Variants in MECOM observed in about 807,000 individuals in gnomAD.
MECOM encodes MDS1 and EVI1 complex locus, also known as histone-lysine N-methyltransferase MECOM.
In MECOM, 13 loss-of-function variants were observed where a neutral mutation model predicts 116.3. The ratio of observed to expected loss-of-function variants is 0.11; its 90% CI spans 0.07 to 0.18. The LOEUF is 0.18. Ranked by LOEUF, MECOM falls within the 10% of genes least tolerant of loss-of-function variation. The pLI is 1.00. For synonymous variants in MECOM, 528 were observed against 535.2 expected (o/e 0.99, Z 0.19); for missense variants, 1,299 against 1,509.0 (o/e 0.86, Z 2.31).
At chr3:169,154,506 G>A (rs1741645487) in intron 2 of MECOM, among the ~76,000 whole-genome samples, 1 of 152,044 alleles carries the variant, frequency 6.6e-6, no homozygotes, top group Admixed American at 6.6e-5. Context: ...CCTCTAGTCT[G>A]AATTATTGCA....
chr3:169,445,963 T>C (rs934923136), intron 1 of MECOM, among the ~76,000 whole-genome samples: 4 of 152,216 alleles, frequency 2.6e-5, no homozygotes, highest in African/African-American at 9.6e-5. Context: ...TTGGAATGGC[T>C]GTATTTACCT....
intron 2 of MECOM, among the ~76,000 whole-genome samples, chr3:169,318,421 G>C (rs1476402449): frequency 6.6e-6 from 1 of 151,912 alleles, no homozygotes; most frequent in Admixed American, 6.6e-5. Flanking sequence ...AAATTTACAA[G>C]AAAAAAACAA....
Position 169,364,651 on chromosome 3 carries a change from C to T in MECOM, c.375+16536G>A, listed in dbSNP as rs12496523. The stretch of plus-strand genomic sequence containing the variant: ...TTATTAAGTACTGCATCCCAAGTGA[C>T]AAAGTACCACAGCACTGTCACTATC... On this transcript the variant is annotated intron_variant, in intron 2 of 16. Transcript: ENST00000651503. Among the ~76,000 whole-genome samples, 1,036 of 152,160 alleles carry T rather than the reference C, an allele frequency of 6.8e-3. 12 individuals carry two copies. Among genetic ancestry groups the T allele is most frequent in the Non-Finnish European group, 0.012 (782 of 67,948 alleles).
intron 1 of MECOM, among the ~76,000 whole-genome samples, chr3:169,649,046 A>G (rs1774532694): frequency 1.3e-5 from 2 of 152,232 alleles, no homozygotes; most frequent in Admixed American, 6.5e-5. Context: ...GCCCATCTGC[A>G]GACCCAAGGC....
intron 1 of MECOM, among the ~76,000 whole-genome samples, chr3:169,499,167 T>G (rs1221130652): frequency 1.3e-5 from 2 of 151,482 alleles, no homozygotes; most frequent in African/African-American, 4.8e-5. Flanking sequence ...AGAGATACAA[T>G]ATTTGAACAG....
intron 1 of MECOM, among the ~76,000 whole-genome samples, chr3:169,453,204 G>T (rs1745895008): frequency 6.6e-6 from 1 of 152,226 alleles, no homozygotes; most frequent in South Asian, 2.1e-4. Context: ...TGCAATGGCT[G>T]CATGACAGAA....
At chr3:169,153,557 AATTC>A (rs1260884313) in intron 2 of MECOM, among the ~76,000 whole-genome samples, 1 of 152,226 alleles carries the variant, frequency 6.6e-6, no homozygotes, top group African/African-American at 2.4e-5. Context: ...AATTTTAATT[AATTC>A]AATCTTTCAA....
chr3:169,425,151 T>C (rs1740444277), intron 1 of MECOM, among the ~76,000 whole-genome samples: 1 of 149,366 alleles, frequency 6.7e-6, no homozygotes, highest in Non-Finnish European at 1.5e-5. Flanking sequence ...CAACGAAAAT[T>C]TATAAGCTTA....
chr3:169,364,402 T>C (rs1391023087), intron 2 of MECOM, among the ~76,000 whole-genome samples: 1 of 151,990 alleles, frequency 6.6e-6, no homozygotes, highest in African/African-American at 2.4e-5. Flanking sequence ...TACAGCTTCA[T>C]ATAATTTTAA....
intron 1 of MECOM, among the ~76,000 whole-genome samples, chr3:169,624,608 C>G (rs1771129484): frequency 6.6e-6 from 1 of 152,198 alleles, no homozygotes; most frequent in Admixed American, 6.5e-5. Context: ...TCGGGCTGCT[C>G]TGTCTCAAAG....
At chr3:169,656,095 C>A (rs544561287) in intron 1 of MECOM, among the ~76,000 whole-genome samples, 1 of 152,300 alleles carries the variant, frequency 6.6e-6, no homozygotes, top group Admixed American at 6.5e-5. Context: ...TGCACAGGGC[C>A]TAGCACATTG....
At position 169,596,276 on chromosome 3, in the gene MECOM, T is replaced by C. The variant is rs191704008; in HGVS notation, c.37+67060A>G. Among the ~76,000 whole-genome samples, 100 of 152,328 alleles carry C rather than the reference T, an allele frequency of 6.6e-4. 1 individual carries two copies. Among genetic ancestry groups the C allele is most frequent in the Admixed American group, 2.7e-3 (41 of 15,308 alleles). ...GTAAACTCTTGTGCCAAGAGCTTTC[T>C]GTCCTGGGGCATATTGGATGAGCAC... On this transcript the variant is annotated intron_variant, in intron 1 of 16. Coordinates refer to ENST00000651503, the MANE Select transcript of MECOM (RefSeq NM_004991.4).
intron 2 of MECOM, among the ~76,000 whole-genome samples, chr3:169,263,123 ATATATGT>A (rs1757795985): frequency 5.1e-5 from 1 of 19,646 alleles, no homozygotes; most frequent in African/African-American, 2.4e-4. Flanking sequence ...ATATATATAT[ATATATGT>A]TTTTTTTTTT....
intron 3 of MECOM, among the ~76,000 whole-genome samples, chr3:169,139,131 A>T (rs184791004): frequency 6.6e-5 from 10 of 152,222 alleles, no homozygotes; most frequent in Admixed American, 6.5e-4. Context: ...GTGAATTCTG[A>T]CTTTGTATTC....
At chr3:169,216,024 A>T (rs1175284984) in intron 2 of MECOM, among the ~76,000 whole-genome samples, 1 of 152,224 alleles carries the variant, frequency 6.6e-6, no homozygotes, top group Non-Finnish European at 1.5e-5. Context: ...TTTAGACCTG[A>T]AAGGCATATT....
intron 1 of MECOM, among the ~76,000 whole-genome samples, chr3:169,445,974 A>G (rs1744560282): frequency 6.6e-6 from 1 of 152,102 alleles, no homozygotes; most frequent in Non-Finnish European, 1.5e-5. Flanking sequence ...GTATTTACCT[A>G]ATACCTGTAC....
chr3:169,259,778 G>T (rs1346186477), intron 2 of MECOM, among the ~76,000 whole-genome samples: 1 of 152,216 alleles, frequency 6.6e-6, no homozygotes, highest in Non-Finnish European at 1.5e-5. Context: ...TGAGTCCAGA[G>T]CATATTGACT....
chr3:169,096,636 G>A (rs762113633), intron 12 of MECOM, among the ~76,000 whole-genome samples: 2 of 152,094 alleles, frequency 1.3e-5, no homozygotes, highest in Non-Finnish European at 2.9e-5. Flanking sequence ...ATCCTTCCAT[G>A]TGTGAAGGGC....
rs537821820 is a variant in MECOM at position 169,426,904 on chromosome 3, T to C, written c.38-45380A>G. On this transcript the variant is annotated intron_variant, in intron 1 of 16. Coordinates refer to ENST00000651503, the MANE Select transcript of MECOM (RefSeq NM_004991.4). ...TGCCTACTATGTGCCAGATATTGTA[T>C]GTATACACGTTAAATCTTTGTGACA... Among the ~76,000 whole-genome samples, 4 of 152,210 alleles carry C rather than the reference T, an allele frequency of 2.6e-5. No homozygotes were observed. The South Asian group carries it at 8.3e-4, about 32-fold the overall frequency.
Sources: allele counts gnomAD v4.1 joint callset (sites outside exome capture counted in the v4.1 genomes callset), GRCh38; gene constraint gnomAD v4.1.1; transcripts MANE v1.5; gene names NCBI Gene and HGNC (gene_info 2026-07-23, HGNC 2026-07-21).